Variants in TTYH2 observed in about 807,000 individuals in gnomAD.
The protein encoded by TTYH2 is protein tweety homolog 2.
TTYH2 carries 49 observed loss-of-function variants against 68.3 expected under a neutral mutation model. That is an observed-to-expected ratio of 0.72 (90% CI 0.57 to 0.91). The LOEUF (loss-of-function observed/expected upper bound fraction) is 0.91, where lower values mean the gene tolerates loss of function less well. Ranked by LOEUF, TTYH2 falls within the 40% of genes least tolerant of loss-of-function variation. The pLI is 0.00. For synonymous variants in TTYH2, 272 were observed against 300.8 expected, an observed-to-expected ratio of 0.90 and a Z score of 0.99; for missense variants, 631 against 700.4, an observed-to-expected ratio of 0.90 and a Z score of 1.12.
intron 3 of TTYH2, among the ~76,000 whole-genome samples, chr17:74,236,895 CTT>C (rs553285799): frequency 4.1e-4 from 55 of 133,356 alleles, no homozygotes; most frequent in Admixed American, 7.6e-4. Flanking sequence ...GCCAGGCCAG[CTT>C]TTTTTTTTTT....
chr17:74,248,204 C>A, intron 6 of TTYH2: 1 of 913,830 alleles, frequency 1.1e-6, no homozygotes, highest in Non-Finnish European at 1.3e-6. Context: ...AGGACCTGAG[C>A]TCTCCCTGGC....
chr17:74,215,765 T>C lies in TTYH2; in HGVS notation c.129+2049T>C. The stretch of plus-strand genomic sequence containing the variant: ...CTCTCCTGGATGTCTTCTTTCCTCC[T>C]GAGCACCAGTCACTAACAGAGTCAG... On this transcript the variant is annotated intron_variant, in intron 1 of 13. Coordinates refer to ENST00000269346, the MANE Select transcript of TTYH2 (RefSeq NM_032646.6). This position sits in a 1 kb window ranked among gnomAD's most constrained non-coding sequence, Gnocchi z 4.3. The C allele has an allele frequency of 1.3e-6, 2 of 1,501,294 alleles. No individual in the cohort carries two copies. Among genetic ancestry groups the C allele is most frequent in the South Asian group, 1.2e-5 (1 of 83,346 alleles). The allele number at this position is 1,501,294 out of a possible 1,614,324, so 93.0% of individuals were successfully genotyped here.
rs184188343 is a variant in TTYH2 at position 74,249,426 on chromosome 17, C to A, written c.930+27C>A. 7.4e-5 allele frequency: 119 copies of A among 1,612,368 alleles called. No individual in the cohort carries two copies. In the Admixed American group the frequency reaches 8.2e-4, roughly 11 times the overall value. ...TATGGCCCCCCGAGGCCTGCCCTCA[C>A]CCTGCCCACAGCCGCTCCCCCTTGA... is the stretch of plus-strand genomic sequence containing the variant. On this transcript the variant is annotated intron_variant, in intron 8 of 13. Transcript: ENST00000269346.
In TTYH2 at chr17:74,214,072, C is replaced by A. The variant is rs1007592034; in HGVS notation, c.129+356C>A. Among the ~76,000 whole-genome samples the A allele has an allele frequency of 1.3e-5, 2 of 152,056 alleles. No homozygotes were observed. The highest frequency in any genetic ancestry group is 2.9e-5 in the Non-Finnish European group (2 of 68,012). ...GGCATTCGTCTCGGGGTAATCCTGG[C>A]GCGCGAGGTGCGGGGATGCTGAGGG... On this transcript the variant is annotated intron_variant, in intron 1 of 13. Transcript: ENST00000269346. The surrounding 1 kb of genome is among the most constrained non-coding windows in gnomAD (Gnocchi z 4.6).
chr17:74,243,353 C>T, intron 4 of TTYH2, 21 bp from the exon 5 acceptor site: 1 of 1,608,116 alleles, frequency 6.2e-7, no homozygotes, highest in Non-Finnish European at 8.5e-7. Flanking sequence ...TGCTCCTGAC[C>T]ATCCCTGCCC....
At chr17:74,230,414 A>T (rs1186227644) in intron 2 of TTYH2, among the ~76,000 whole-genome samples, 1 of 152,034 alleles carries the variant, frequency 6.6e-6, no homozygotes, top group Non-Finnish European at 1.5e-5. Context: ...CATTATCCAT[A>T]TGTCCAAACC....
chr17:74,255,972 C>T (rs777907986), intron 13 of TTYH2, among the ~76,000 whole-genome samples: 5 of 152,160 alleles, frequency 3.3e-5, no homozygotes, highest in Non-Finnish European at 5.9e-5. Flanking sequence ...AGGAAGTGCA[C>T]GCACAGGCAC....
intron 6 of TTYH2, among the ~76,000 whole-genome samples, chr17:74,244,630 T>C (rs1368523019): frequency 6.6e-6 from 1 of 151,556 alleles, no homozygotes; most frequent in Non-Finnish European, 1.5e-5. Flanking sequence ...CCTATGCGGG[T>C]CCACATGATC....
At chr17:74,258,801 C>G (rs937300653) in intron 13 of TTYH2, among the ~76,000 whole-genome samples, 2 of 152,036 alleles carry the variant, frequency 1.3e-5, no homozygotes, top group Non-Finnish European at 2.9e-5. Flanking sequence ...CAGAATATCT[C>G]CAGACATTGC....
intron 10 of TTYH2, 164 bp from the exon 11 acceptor site, chr17:74,252,070 C>A (rs1164042713): frequency 1.2e-6 from 1 of 807,564 alleles, no homozygotes; most frequent in Non-Finnish European, 2.0e-6. Context: ...TTGTGTTAGG[C>A]TCCAGAGTGT....
intron 3 of TTYH2, among the ~76,000 whole-genome samples, chr17:74,235,091 C>T (rs866820030): frequency 1.3e-5 from 2 of 152,048 alleles, no homozygotes; most frequent in South Asian, 2.1e-4. Flanking sequence ...AGCCAGAAAA[C>T]GGAACAAGCC....
At chr17:74,225,228 G>T (rs2050317889) in intron 2 of TTYH2, among the ~76,000 whole-genome samples, 1 of 152,070 alleles carries the variant, frequency 6.6e-6, no homozygotes, top group Non-Finnish European at 1.5e-5. Context: ...CGAGCATGGG[G>T]CTAAAGGAAG....
intron 13 of TTYH2, chr17:74,256,992 A>C (rs1228006338): frequency 3.9e-5 from 6 of 152,200 alleles, no homozygotes; most frequent in Non-Finnish European, 7.3e-5. Flanking sequence ...TTCTCTCACT[A>C]ATCAGAAGCC....
rs1372855756 is a variant in TTYH2 at position 74,213,989 on chromosome 17, G to A, written c.129+273G>A. 1.3e-5 allele frequency among the ~76,000 whole-genome samples: 2 copies of A among 152,002 alleles called. No individual in the cohort carries two copies. The highest frequency in any genetic ancestry group is 6.5e-5 in the Admixed American group (1 of 15,274). ...GGAGGAAGGGCGCAAGACCGCCTGC[G>A]GGGTGAGGGGCTGAACGCTGAGCGG... On this transcript the variant is annotated intron_variant, in intron 1 of 13. Transcript: ENST00000269346. The surrounding 1 kb of genome is among the most constrained non-coding windows in gnomAD (Gnocchi z 6.1).
Position 74,260,246 on chromosome 17 carries a change from T to G in TTYH2, c.*37T>G, listed in dbSNP as rs773938410. ...GGGTTCCTGCCTCCTTTTTCCGTTCTGGTTTTTAATTAGTGCAAATACAAG... is the reference window on the plus strand; with the variant it reads ...GGGTTCCTGCCTCCTTTTTCCGTTCGGGTTTTTAATTAGTGCAAATACAAG... On this transcript the variant is annotated 3_prime_UTR_variant, in exon 14 of 14. Coordinates refer to ENST00000269346, the MANE Select transcript of TTYH2 (RefSeq NM_032646.6). 1.1e-5 allele frequency: 17 copies of G among 1,599,796 alleles called. No homozygotes were observed. The highest frequency in any genetic ancestry group is 1.0e-5 in the Non-Finnish European group (12 of 1,167,886).
chr17:74,226,739 C>T (rs541180438), intron 2 of TTYH2, among the ~76,000 whole-genome samples: 30 of 152,140 alleles, frequency 2.0e-4, no homozygotes, highest in African/African-American at 6.7e-4. Context: ...GAGGATATAC[C>T]TCTTTGTTCT....
intron 6 of TTYH2, chr17:74,248,198 C>A (rs1043161668): frequency 3.6e-5 from 32 of 889,382 alleles, no homozygotes; most frequent in East Asian, 1.2e-4. Context: ...GGCCAGAGGA[C>A]CTGAGCTCTC....
intron 5 of TTYH2, 38 bp from the exon 6 acceptor site, chr17:74,243,939 A>AC (rs1482084607): frequency 6.3e-7 from 1 of 1,599,826 alleles, no homozygotes; most frequent in Non-Finnish European, 8.5e-7. Context: ...GAGGAAGGGG[A>AC]CCCCGCCTGC....
Position 74,241,668 on chromosome 17 carries a change from T to A in TTYH2, c.636-1706T>A, listed in dbSNP as rs2050502639. Among the ~76,000 whole-genome samples, 1 of 152,180 alleles carries A rather than the reference T, an allele frequency of 6.6e-6. No homozygotes were observed. Among genetic ancestry groups the A allele is most frequent in the South Asian group, 2.1e-4 (1 of 4,834 alleles). On this transcript the variant is annotated intron_variant, in intron 4 of 13. Transcript: ENST00000269346. The surrounding 1 kb of genome is among the most constrained non-coding windows in gnomAD (Gnocchi z 4.1). ...CCAAACTCCGTCTTCCCCTTTATGA[T>A]GTCAGTGAAGCAGAAAACCATTGCT... is the stretch of plus-strand genomic sequence containing the variant.
Sources: allele counts gnomAD v4.1 joint callset (sites outside exome capture counted in the v4.1 genomes callset), GRCh38; gene constraint gnomAD v4.1.1; non-coding constraint Gnocchi (gnomAD v3.1); transcripts MANE v1.5; gene names NCBI Gene and HGNC (gene_info 2026-07-23, HGNC 2026-07-21).